EXTL1: variants seen among roughly 807,000 people sequenced by gnomAD.
The protein encoded by EXTL1 is exostosin like glycosyltransferase 1.
A neutral mutation model predicts 64.6 loss-of-function variants in EXTL1; 43 were observed. The observed-to-expected ratio is 0.67, with a 90% CI of 0.52 to 0.86. The LOEUF is 0.86. EXTL1 is among the 40% of genes least tolerant of loss of function. EXTL1 has a pLI of 0.00. For missense variants in EXTL1, 766 were observed against 879.0 expected (o/e 0.87, Z 1.62); for synonymous variants, 352 against 360.5 (o/e 0.98, Z 0.27).
In EXTL1 at chr1:26,029,727, A is replaced by T. The variant is rs1289924275; in HGVS notation, c.981+20A>T. 5.9e-6 allele frequency: 9 copies of T among 1,533,210 alleles called. No homozygotes were observed. Among genetic ancestry groups the T allele is most frequent in the Non-Finnish European group, 8.1e-6 (9 of 1,110,474 alleles). 95.0% of individuals were successfully genotyped at this position (1,533,210 alleles called of 1,614,324 possible). A position where few individuals can be genotyped will look rare whatever the true frequency, so the allele number is the denominator to read the frequency against. On this transcript the variant is annotated intron_variant, in intron 3 of 10. Coordinates refer to ENST00000374280, the MANE Select transcript of EXTL1 (RefSeq NM_004455.3). ...CTTCAGGTAGCTCAGAGCCCTGCCC[A>T]CAGGGTGGGAACTGGACCCAGGACA...
At chr1:26,030,671 CCA>C (rs1429104810) in intron 4 of EXTL1, 76 bp downstream of exon 4, 14 of 1,489,250 alleles carry the variant, frequency 9.4e-6, no homozygotes, top group Non-Finnish European at 1.3e-5. Context: ...TACTTCTCTG[CCA>C]CAGTGTTTGG....
At chr1:26,023,718 C>T (rs2050182589) in intron 1 of EXTL1, among the ~76,000 whole-genome samples, 1 of 152,036 alleles carries the variant, frequency 6.6e-6, no homozygotes, top group Admixed American at 6.5e-5. Context: ...TTTTTTTTCC[C>T]CACATACAGT....
Position 26,033,962 on chromosome 1 carries a change from AGG to A in EXTL1, c.1679+107_1679+108del. 1.9e-6 allele frequency: 2 copies of A among 1,054,172 alleles called. No individual in the cohort carries two copies. The highest frequency in any genetic ancestry group is 1.9e-5 in the South Asian group (1 of 51,576). The allele number at this position is 1,054,172 out of a possible 1,614,324, so 65.3% of individuals were successfully genotyped here. On this transcript the variant is annotated intron_variant, in intron 9 of 10. Transcript: ENST00000374280. The surrounding 1 kb of genome is among the most constrained non-coding windows in gnomAD (Gnocchi z 5.1). Reference sequence around the variant, plus strand: ...CCTAGACCCCAGGGATCCAGGTTCAAGGCCGAGATCTGCCACTTCCCAGCTGT... The same window carrying A: ...CCTAGACCCCAGGGATCCAGGTTCAACCGAGATCTGCCACTTCCCAGCTGT...
At position 26,023,205 on chromosome 1, in the gene EXTL1, G is replaced by T. The variant is rs151111615; in HGVS notation, c.559G>T (p.Val187Leu). ...TATGGTGGCTGAGGCCAGCCCCACG[G>T]TGGACTCCTTCCGGCCCGGCTTTGA... The part of the protein sequence containing the change: ...QAMVAEASPT[V>L]DSFRPGFDVA... The change falls in exon 1 of 11, where the codon GTG (valine) becomes TTG (leucine). Residue 187 changes from valine to leucine, a missense_variant. Transcript: ENST00000374280. 72 of 1,612,584 alleles carry T rather than the reference G, an allele frequency of 4.5e-5. No homozygotes were observed. In the African/African-American group the frequency reaches 8.8e-4, roughly 20 times the overall value.
chr1:26,031,187 GC>G lies in EXTL1; in HGVS notation c.1163del (p.Pro388GlnfsTer35). The G allele has an allele frequency of 6.2e-7, 1 of 1,613,856 alleles. No homozygotes were observed. Among genetic ancestry groups the G allele is most frequent in the Non-Finnish European group, 8.5e-7 (1 of 1,179,854 alleles). ...GCTCACCCCTCACTGCTGTGGAACA[GC>G]CCCCCAGGGGCACTCCTGGCCCTGT... ...TSAHPSLLWN[S>X]PPGALLALST... On this transcript the variant is annotated frameshift_variant, in exon 5 of 11. Transcript: ENST00000374280. LOFTEE classifies it high-confidence loss of function.
At chr1:26,030,423 C>A in intron 3 of EXTL1, 53 bp from the exon 4 acceptor site, 1 of 1,572,552 alleles carries the variant, frequency 6.4e-7, no homozygotes, top group Non-Finnish European at 8.7e-7. Flanking sequence ...GCGTCGACCT[C>A]CTGGGCTCAA....
chr1:26,022,753 C>T lies in EXTL1; in HGVS notation c.107C>T (p.Pro36Leu), dbSNP rs1406544364. ...GFSLLRLALP[P>L]RPRPGASQGW... ...TCCCTTCTCCGCCTGGCATTGCCTC[C>T]CAGACCTCGGCCCGGGGCTTCCCAA... Residue 36 changes from proline (P) to leucine (L), a missense_variant, in exon 1 of 11, where the codon CCC becomes CTC. Pro to Leu is a moderately conservative substitution (Grantham distance 98). This residue lies in a region of EXTL1 where 571 missense variants were observed against 647.6 expected (regional missense o/e 0.88). Transcript: ENST00000374280. 1.2e-6 allele frequency: 2 copies of T among 1,614,108 alleles called. No individual in the cohort carries two copies. Among genetic ancestry groups the T allele is most frequent in the Non-Finnish European group, 8.5e-7 (1 of 1,179,994 alleles).
Position 26,022,526 on chromosome 1 carries a change from T to C in EXTL1, c.-121T>C. 1 of 800,718 alleles carries C rather than the reference T, an allele frequency of 1.2e-6. No homozygotes were observed. Among genetic ancestry groups the C allele is most frequent in the South Asian group, 1.8e-5 (1 of 56,652 alleles). The allele number at this position is 800,718 out of a possible 1,614,324, so 49.6% of individuals were successfully genotyped here. On this transcript the variant is annotated 5_prime_UTR_variant, in exon 1 of 11. Transcript: ENST00000374280. ...CGATGGGCCTCAGTCTTCCCATCTGTACAATGACAGCACAGGACTAGCAGG... is the reference window on the plus strand; with the variant it reads ...CGATGGGCCTCAGTCTTCCCATCTGCACAATGACAGCACAGGACTAGCAGG...
chr1:26,035,456 C>A lies in EXTL1; in HGVS notation c.*109C>A. On this transcript the variant is annotated 3_prime_UTR_variant, in exon 11 of 11. Coordinates refer to ENST00000374280, the MANE Select transcript of EXTL1 (RefSeq NM_004455.3). The surrounding 1 kb of genome is among the most constrained non-coding windows in gnomAD (Gnocchi z 5.3). Reference sequence around the variant, plus strand: ...GACACCGGAGAACCTATCATGTCAGCCAGCGGGCCCACACGTCGGACCCCG... The same window carrying A: ...GACACCGGAGAACCTATCATGTCAGACAGCGGGCCCACACGTCGGACCCCG... The A allele has an allele frequency of 9.6e-7, 1 of 1,039,462 alleles. No homozygotes were observed. Among genetic ancestry groups the A allele is most frequent in the Non-Finnish European group, 1.4e-6 (1 of 732,390 alleles). 64.4% of individuals were successfully genotyped at this position (1,039,462 alleles called of 1,614,324 possible).
chr1:26,031,351 C>A, intron 5 of EXTL1, 87 bp downstream of exon 5: 1 of 1,526,018 alleles, frequency 6.6e-7, no homozygotes, highest in Middle Eastern at 1.7e-4. Context: ...CACCAAGACC[C>A]TTTCCAAGCC....
chr1:26,022,573 C>T lies in EXTL1; in HGVS notation c.-74C>T, dbSNP rs748744164. ...CAGGTCGGTCCCAGCTCTGGTCTCC[C>T]GCCCCAGGCCCTGCTCTTCCTGCTT... On this transcript the variant is annotated 5_prime_UTR_variant, in exon 1 of 11. Coordinates refer to ENST00000374280, the MANE Select transcript of EXTL1 (RefSeq NM_004455.3). 48 of 1,331,020 alleles carry T rather than the reference C, an allele frequency of 3.6e-5. No homozygotes were observed. The highest frequency in any genetic ancestry group is 1.9e-4 in the Middle Eastern group (1 of 5,242). The allele number at this position is 1,331,020 out of a possible 1,614,324, so 82.5% of individuals were successfully genotyped here.
In EXTL1 at chr1:26,029,280, C is replaced by T; in HGVS notation, c.867C>T (p.Ala289=). Residue 289 remains alanine (A), a synonymous_variant, in exon 2 of 11, where the codon GCC becomes GCT. Coordinates refer to ENST00000374280, the MANE Select transcript of EXTL1 (RefSeq NM_004455.3). ...RPEAASRFLQ[A]LQAGCIPVLL... is the part of the protein sequence containing the mutation. Reference sequence around the variant, plus strand: ...AGGCTGCCTCGCGCTTCCTCCAAGCCCTGCAGGTACAACCCCAATTTGAGC... The same window carrying T: ...AGGCTGCCTCGCGCTTCCTCCAAGCTCTGCAGGTACAACCCCAATTTGAGC... The T allele has an allele frequency of 6.2e-7, 1 of 1,613,260 alleles. No individual in the cohort carries two copies. Among genetic ancestry groups the T allele is most frequent in the Middle Eastern group, 1.7e-4 (1 of 6,060 alleles).
chr1:26,024,446 C>G (rs1457736017), intron 1 of EXTL1, among the ~76,000 whole-genome samples: 2 of 152,166 alleles, frequency 1.3e-5, no homozygotes, highest in Admixed American at 1.3e-4. Context: ...ACAACATCAA[C>G]TATTCTGAGC....
At chr1:26,026,396 C>G (rs1056387033) in intron 1 of EXTL1, among the ~76,000 whole-genome samples, 1 of 150,802 alleles carries the variant, frequency 6.6e-6, no homozygotes, top group African/African-American at 2.4e-5. Flanking sequence ...TGGGTTCAAG[C>G]GATTCCCCTG....
intron 1 of EXTL1, 27 bp from the exon 2 acceptor site, chr1:26,029,166 G>A: frequency 6.4e-7 from 1 of 1,574,456 alleles, no homozygotes; most frequent in Non-Finnish European, 8.7e-7. Flanking sequence ...CTCATGTGTG[G>A]TGGGACCTCC....
At chr1:26,023,770 G>GATT (rs1448229060) in intron 1 of EXTL1, among the ~76,000 whole-genome samples, 3 of 152,140 alleles carry the variant, frequency 2.0e-5, no homozygotes, top group Non-Finnish European at 2.9e-5. Context: ...TATAAATAAT[G>GATT]ATTATAATAA....
chr1:26,026,183 G>A (rs1001523480), intron 1 of EXTL1, among the ~76,000 whole-genome samples: 2 of 148,740 alleles, frequency 1.3e-5, no homozygotes, highest in Admixed American at 6.7e-5. Flanking sequence ...AGGCTAGAGT[G>A]AGCTGGGATC....
At position 26,034,455 on chromosome 1, in the gene EXTL1, C is replaced by T. The variant is rs2050317726; in HGVS notation, c.1680-381C>T. ...AGATGAGGCTGGCCTGTCTGAGGGC[C>T]GTGTGAAGTGAGCTCACCCGGAGCG... is the stretch of plus-strand genomic sequence containing the variant. On this transcript the variant is annotated intron_variant, in intron 9 of 10. Coordinates refer to ENST00000374280, the MANE Select transcript of EXTL1 (RefSeq NM_004455.3). This position sits in a 1 kb window ranked among gnomAD's most constrained non-coding sequence, Gnocchi z 4.6. 6.6e-6 allele frequency among the ~76,000 whole-genome samples: 1 copy of T among 152,164 alleles called. No individual in the cohort carries two copies. The highest frequency in any genetic ancestry group is 6.5e-5 in the Admixed American group (1 of 15,268).
intron 3 of EXTL1, 124 bp from the exon 4 acceptor site, chr1:26,030,348 TTTGA>T: frequency 3.1e-6 from 2 of 652,844 alleles, no homozygotes; most frequent in South Asian, 4.7e-5. Flanking sequence ...TTTTTTTTTT[TTTGA>T]GATAGGATCT....
Sources: gnomAD v4.1 joint callset for allele counts (sites outside exome capture counted in the v4.1 genomes callset) on GRCh38, gnomAD v4.1.1 for gene constraint, gnomAD v4.1.1 regional missense constraint, Gnocchi (gnomAD v3.1) non-coding constraint, MANE v1.5 for transcripts, NCBI Gene and HGNC (gene_info 2026-07-23, HGNC 2026-07-21) for gene names.